OSBPL8: variants seen among roughly 807,000 people sequenced by gnomAD.
OSBPL8 encodes oxysterol binding protein like 8, also known as oxysterol-binding protein-related protein 8.
In OSBPL8, 59 loss-of-function variants were observed where a neutral mutation model predicts 125.5. The observed-to-expected ratio is 0.47, with a 90% CI of 0.38 to 0.58. The LOEUF (loss-of-function observed/expected upper bound fraction) is 0.58. Ranked by LOEUF, OSBPL8 falls within the 20% of genes least tolerant of loss-of-function variation. OSBPL8 has a pLI of 0.00. For missense variants in OSBPL8, 758 were observed against 1,047.8 expected, an observed-to-expected ratio of 0.72 and a Z score of 3.82; for synonymous variants, 330 against 338.9, an observed-to-expected ratio of 0.97 and a Z score of 0.29.
chr12:76,482,051 T>A (rs1216463358), intron 2 of OSBPL8, among the ~76,000 whole-genome samples: 1 of 152,200 alleles, frequency 6.6e-6, no homozygotes. Flanking sequence ...GACTATATTC[T>A]AAGAATTGCT....
intron 1 of OSBPL8, among the ~76,000 whole-genome samples, chr12:76,518,659 T>A (rs560676666): frequency 6.6e-6 from 1 of 152,290 alleles, no homozygotes; most frequent in Admixed American, 6.5e-5. Flanking sequence ...TCCTCTAAAA[T>A]CGAGGGGGAA....
chr12:76,457,212 A>G (rs1874160554), intron 3 of OSBPL8, among the ~76,000 whole-genome samples: 1 of 152,240 alleles, frequency 6.6e-6, no homozygotes. Flanking sequence ...GGAAGTGGTT[A>G]GAAAATTATT....
At chr12:76,419,264 G>T (rs749160865) in intron 4 of OSBPL8, among the ~76,000 whole-genome samples, 3 of 151,960 alleles carry the variant, frequency 2.0e-5, no homozygotes, top group Non-Finnish European at 4.4e-5. Flanking sequence ...AAAACAAAGT[G>T]CATATATATA....
intron 16 of OSBPL8, among the ~76,000 whole-genome samples, chr12:76,377,066 G>A (rs1307925361): frequency 1.3e-5 from 2 of 152,044 alleles, no homozygotes; most frequent in African/African-American, 4.8e-5. Flanking sequence ...GAGAATGATG[G>A]TTTCCAGCTT....
At chr12:76,474,458 T>G (rs2136939599) in intron 2 of OSBPL8, among the ~76,000 whole-genome samples, 1 of 152,204 alleles carries the variant, frequency 6.6e-6, no homozygotes, top group Non-Finnish European at 1.5e-5. Flanking sequence ...TAATTTAATT[T>G]TGTGTGTATA....
intron 23 of OSBPL8, among the ~76,000 whole-genome samples, 161 bp from the exon 24 acceptor site, chr12:76,356,182 G>T (rs1277902202): frequency 6.6e-6 from 1 of 151,710 alleles, no homozygotes; most frequent in Non-Finnish European, 1.5e-5. Flanking sequence ...CGGGGTCTGG[G>T]ACTGCAAAGA....
Position 76,454,538 on chromosome 12 carries a change from T to C in OSBPL8, c.80-3550A>G, listed in dbSNP as rs151235488. Among the ~76,000 whole-genome samples the C allele has an allele frequency of 3.4e-3, 508 of 150,726 alleles. 4 individuals are homozygous for C. The highest frequency in any genetic ancestry group is 6.8e-3 in the Middle Eastern group (2 of 292). ...ACCTATCTCTAAAAGAAATAAAAAT[T>C]AAAAAAAGTTAGCTGGGCGTGGTAG... is the stretch of plus-strand genomic sequence containing the variant. On this transcript the variant is annotated intron_variant, in intron 3 of 23. Coordinates refer to ENST00000261183, the MANE Select transcript of OSBPL8 (RefSeq NM_020841.5).
intron 2 of OSBPL8, among the ~76,000 whole-genome samples, chr12:76,470,701 C>T (rs117791679): frequency 1.3e-5 from 2 of 152,110 alleles, no homozygotes; most frequent in African/African-American, 4.8e-5. Flanking sequence ...TCACACTGCA[C>T]AGCATCAAGC....
intron 21 of OSBPL8, among the ~76,000 whole-genome samples, chr12:76,368,598 C>T (rs966205588): frequency 3.3e-5 from 5 of 152,062 alleles, no homozygotes; most frequent in Admixed American, 3.3e-4. Flanking sequence ...TTTTCTTTCT[C>T]CTCCTCAGAC....
intron 1 of OSBPL8, among the ~76,000 whole-genome samples, chr12:76,500,511 T>G (rs937636156): frequency 6.6e-6 from 1 of 152,188 alleles, no homozygotes; most frequent in Non-Finnish European, 1.5e-5. Flanking sequence ...TTTTTAAAAT[T>G]TGTTTATATA....
intron 1 of OSBPL8, among the ~76,000 whole-genome samples, chr12:76,497,093 C>A (rs1458380734): frequency 6.6e-6 from 1 of 152,134 alleles, no homozygotes; most frequent in African/African-American, 2.4e-5. Context: ...TCCCACATTC[C>A]ACAATACATG....
chr12:76,489,736 C>T (rs1451011713), intron 1 of OSBPL8, among the ~76,000 whole-genome samples: 2 of 152,210 alleles, frequency 1.3e-5, no homozygotes, highest in Non-Finnish European at 2.9e-5. Context: ...AACATCTATT[C>T]TGCAGTCCAT....
At chr12:76,382,071 C>T (rs1428858764) in intron 15 of OSBPL8, among the ~76,000 whole-genome samples, 21 of 151,982 alleles carry the variant, frequency 1.4e-4, no homozygotes, top group Admixed American at 1.3e-3. Context: ...TGTGTGTCTA[C>T]ATTTAAGGTA....
At chr12:76,530,214 G>C (rs1950297944) in intron 1 of OSBPL8, among the ~76,000 whole-genome samples, 1 of 143,648 alleles carries the variant, frequency 7.0e-6, no homozygotes, top group South Asian at 2.2e-4. Context: ...GTGCCACCGG[G>C]CCTGGCTTTT....
chr12:76,453,030 A>C (rs937683800), intron 3 of OSBPL8, among the ~76,000 whole-genome samples: 8 of 151,618 alleles, frequency 5.3e-5, no homozygotes, highest in African/African-American at 1.9e-4. Context: ...AGTACCCACC[A>C]CTTCACAGTT....
At position 76,538,942 on chromosome 12, in the gene OSBPL8, C is replaced by CA. The variant is rs1007782311; in HGVS notation, c.-68+20454dup. On this transcript the variant is annotated intron_variant, in intron 1 of 23. Coordinates refer to ENST00000261183, the MANE Select transcript of OSBPL8 (RefSeq NM_020841.5). Reference sequence around the variant, plus strand: ...TGGGTGACACACCAAGACTCCATCTCAAAAAAAAAGAAAAAAAGAAAAAAG... The same window carrying CA: ...TGGGTGACACACCAAGACTCCATCTCAAAAAAAAAAGAAAAAAAGAAAAAAG... 1.5e-4 allele frequency among the ~76,000 whole-genome samples: 21 copies of CA among 140,972 alleles called. No individual in the cohort carries two copies. In the South Asian group the frequency reaches 2.0e-3, roughly 13 times the overall value. The allele number at this position is 140,972 out of a possible 152,430, so 92.5% of individuals were successfully genotyped here.
At chr12:76,356,162 T>TGGGGGGGGGGTGGTGGGGGGG in intron 23 of OSBPL8, 141 bp from the exon 24 acceptor site, 3 of 136,872 alleles carry the variant, frequency 2.2e-5, no homozygotes, top group Middle Eastern at 2.9e-3. Context: ...TATGTAGGGG[T>TGGGGGGGGGGTGGTGGGGGGG]GGGGGGGGGC....
At position 76,487,554 on chromosome 12, in the gene OSBPL8, T is replaced by C. The variant is rs780577078; in HGVS notation, c.-3A>G. On this transcript the variant is annotated 5_prime_UTR_variant, in exon 2 of 24. Coordinates refer to ENST00000261183, the MANE Select transcript of OSBPL8 (RefSeq NM_020841.5). ...CCATCTGCCAAACCTCCCTCCATAATGAAAGAAGATAGGTTTATGCTTCTC... is the reference window on the plus strand; with the variant it reads ...CCATCTGCCAAACCTCCCTCCATAACGAAAGAAGATAGGTTTATGCTTCTC... 8.7e-6 allele frequency: 14 copies of C among 1,603,444 alleles called. No homozygotes were observed. In the Admixed American group the frequency reaches 1.7e-4, roughly 20 times the overall value.
At chr12:76,450,341 T>A (rs1198480422) in intron 4 of OSBPL8, among the ~76,000 whole-genome samples, 1 of 152,162 alleles carries the variant, frequency 6.6e-6, no homozygotes, top group Non-Finnish European at 1.5e-5. Context: ...GGTTGAGAAG[T>A]CCTGGGATAA....
Sources: allele counts gnomAD v4.1 joint callset (sites outside exome capture counted in the v4.1 genomes callset), GRCh38; gene constraint gnomAD v4.1.1; transcripts MANE v1.5; gene names NCBI Gene and HGNC (gene_info 2026-07-23, HGNC 2026-07-21).